The following ZNF397 variants were observed in gnomAD, a reference collection of about 807,000 sequenced individuals.
The protein encoded by ZNF397 is zinc finger and SCAN domain-containing protein 15.
In ZNF397, 38 loss-of-function variants were observed where a neutral mutation model predicts 50.6. The observed-to-expected ratio is 0.75, with a 90% CI of 0.58 to 0.98. The LOEUF (loss-of-function observed/expected upper bound fraction) is 0.98, where lower values mean the gene tolerates loss of function less well. Ranked by LOEUF, ZNF397 falls within the 50% of genes least tolerant of loss-of-function variation. The pLI is 0.00. For missense variants in ZNF397, 624 were observed against 624.1 expected (o/e 1.00, Z 0.00); for synonymous variants, 228 against 215.2 (o/e 1.06, Z -0.52).
chr18:35,250,704 C>CT (rs1487928859), downstream of ZNF397, among the ~76,000 whole-genome samples: 1 of 152,180 alleles, frequency 6.6e-6, no homozygotes, highest in African/African-American at 2.4e-5. Context: ...AAGCTTGGTC[C>CT]TTCTCAGCAA....
downstream of ZNF397, chr18:35,254,357 A>C (rs753515528): frequency 6.8e-6 from 11 of 1,613,786 alleles, no homozygotes; most frequent in African/African-American, 4.0e-5. Flanking sequence ...TGCCATCAAC[A>C]CTTTGCCAGC....
chr18:35,251,300 T>A (rs914298770), downstream of ZNF397: 5 of 152,138 alleles, frequency 3.3e-5, no homozygotes, highest in Admixed American at 2.6e-4. Context: ...TTACCAACAC[T>A]TACAATTCAC....
rs1331255084 is a variant in ZNF397, at chr18:35,246,605, T to C, written c.*295T>C. On this transcript the variant is annotated 3_prime_UTR_variant, in exon 4 of 4. Transcript: ENST00000330501. ...ATTGAAACCTCATTTTGTATGAAAGTGTCATGAATATAGCAACCCAGGCTC... is the reference window on the plus strand; with the variant it reads ...ATTGAAACCTCATTTTGTATGAAAGCGTCATGAATATAGCAACCCAGGCTC... The C allele has an allele frequency of 8.8e-7, 1 of 1,141,938 alleles. No individual in the cohort carries two copies. The highest frequency in any genetic ancestry group is 1.1e-6 in the Non-Finnish European group (1 of 929,218). 70.7% of individuals were successfully genotyped at this position (1,141,938 alleles called of 1,614,324 possible).
rs1301890520 is a variant in ZNF397 at position 35,242,622 on chromosome 18, A to G, written c.152A>G (p.Gln51Arg). Reference protein sequence around the residue: ...STQSCQELFRQQFRKFCYQET... With the variant: ...STQSCQELFRRQFRKFCYQET... Reference sequence around the variant, plus strand: ...CAATCCTGCCAAGAATTGTTTCGTCAGCAATTCAGAAAATTTTGCTACCAG... The same window carrying G: ...CAATCCTGCCAAGAATTGTTTCGTCGGCAATTCAGAAAATTTTGCTACCAG... The change falls in exon 2 of 4, where the codon CAG (glutamine) becomes CGG (arginine). Residue 51 changes from glutamine (Q) to arginine (R), a missense_variant. Physicochemically the swap from Gln to Arg is conservative, Grantham distance 43 (BLOSUM62 1). Coordinates refer to ENST00000330501, the MANE Select transcript of ZNF397 (RefSeq NM_001135178.3). The G allele has an allele frequency of 1.9e-6, 3 of 1,614,142 alleles. No individual in the cohort carries two copies. In the African/African-American group the frequency reaches 4.0e-5, roughly 22 times the overall value.
At chr18:35,241,743 G>T (rs1912517274) in intron 1 of ZNF397, 1 of 143,596 alleles carries the variant, frequency 7.0e-6, no homozygotes, top group African/African-American at 2.5e-5. Flanking sequence ...CTGTAGACTC[G>T]TTTATTCATA....
intron 1 of ZNF397, 68 bp downstream of exon 1, chr18:35,241,177 T>C (rs9304143): frequency 1 from 151,599 of 152,298 alleles, 75,455 homozygotes; most frequent in East Asian, 1. Context: ...GTGGAGGAGC[T>C]CCGCTCCTCG....
At chr18:35,252,829 A>G (rs1223803182), downstream of ZNF397, 1 of 152,788 alleles carries the variant, frequency 6.5e-6, no homozygotes, top group African/African-American at 2.4e-5. Context: ...CCTAGCACAT[A>G]GCAGGTGCTC....
chr18:35,247,698 G>T lies in ZNF397; in HGVS notation c.*1388G>T, dbSNP rs1200392767. 3.0e-5 allele frequency: 2 copies of T among 66,786 alleles called. No homozygotes were observed. 4.1% of individuals were successfully genotyped at this position (66,786 alleles called of 1,614,324 possible). A position where few individuals can be genotyped will look rare whatever the true frequency, so the allele number is the denominator to read the frequency against. On this transcript the variant is annotated 3_prime_UTR_variant, in exon 4 of 4. Transcript: ENST00000330501. ...TTTTTTTTTTTTTTTTTTTGAGATG[G>T]AGTTCGCTCTTGTCCAGGCTGGAGT...
At chr18:35,255,937 C>CAT (rs1472391914) in intron 5 of ZNF397, 1 of 152,602 alleles carries the variant, frequency 6.6e-6, no homozygotes, top group Non-Finnish European at 1.5e-5. Context: ...ACCCAACAAC[C>CAT]TAATGAGAAA....
At chr18:35,257,433 G>A in intron 5 of ZNF397, 1 of 156,366 alleles carries the variant, frequency 6.4e-6, no homozygotes, top group Non-Finnish European at 1.4e-5. Flanking sequence ...CCTTTGGAAG[G>A]TGACTAGGTC....
chr18:35,253,141 C>G, downstream of ZNF397: 1 of 223,760 alleles, frequency 4.5e-6, no homozygotes, highest in East Asian at 9.5e-5. Context: ...TGAAGGTGCC[C>G]AATGGAAATT....
rs35852269 is a variant in ZNF397, at chr18:35,243,175, A to G, written c.438A>G (p.Pro146=). 3,291 of 1,614,202 alleles carry G rather than the reference A, an allele frequency of 2.0e-3. 59 individuals carry two copies. The African/African-American group carries it at 0.037, about 18-fold the overall frequency. The change falls in exon 3 of 4, where the codon CCA becomes CCG. Residue 146 remains proline, a synonymous_variant. Coordinates refer to ENST00000330501, the MANE Select transcript of ZNF397 (RefSeq NM_001135178.3). ...AGGTCCCAGCTAGTCCACAGGGACC[A>G]GCAGTGCCATGGAAGGATTTAACAT... is the stretch of plus-strand genomic sequence containing the variant. The part of the protein sequence containing the change: ...GQQVPASPQG[P]AVPWKDLTCL...
At position 35,246,044 on chromosome 18, in the gene ZNF397, C is replaced by T; in HGVS notation, c.1339C>T (p.His447Tyr). The T allele has an allele frequency of 6.4e-7, 1 of 1,564,682 alleles. No homozygotes were observed. Among genetic ancestry groups the T allele is most frequent in the Non-Finnish European group, 8.7e-7 (1 of 1,154,580 alleles). Residue 447 changes from histidine to tyrosine, a missense_variant, in exon 4 of 4, where the codon CAT becomes TAT. Physicochemically the swap from His to Tyr is moderately conservative, Grantham distance 83 (BLOSUM62 2). Coordinates refer to ENST00000330501, the MANE Select transcript of ZNF397 (RefSeq NM_001135178.3). ...SSELITHQRI[H>Y]SGEKPYECSE... Reference sequence around the variant, plus strand: ...AGAGCTGATTACTCATCAGAGAATACATAGTGGAGAGAAACCCTATGAATG... The same window carrying T: ...AGAGCTGATTACTCATCAGAGAATATATAGTGGAGAGAAACCCTATGAATG...
intron 2 of ZNF397, 39 bp downstream of exon 2, chr18:35,242,923 C>T (rs1196432030): frequency 3.2e-6 from 5 of 1,560,518 alleles, no homozygotes; most frequent in Non-Finnish European, 3.5e-6. Flanking sequence ...AAGGAATTTA[C>T]AGCCTGGAGC....
chr18:35,251,573 AG>A (rs2043595931), downstream of ZNF397: 1 of 151,986 alleles, frequency 6.6e-6, no homozygotes, highest in South Asian at 2.1e-4. Flanking sequence ...GTGTTGAGGG[AG>A]GGTCGTGGTG....
chr18:35,244,585 G>A (rs1055242899), intron 3 of ZNF397, among the ~76,000 whole-genome samples: 2 of 152,132 alleles, frequency 1.3e-5, no homozygotes, highest in Non-Finnish European at 2.9e-5. Context: ...TAGAATCTAA[G>A]AAGGAACAGC....
In ZNF397 at chr18:35,249,774, ATATATT is replaced by A. The variant is rs1320688909; in HGVS notation, c.*3468_*3473del. 3 of 151,880 alleles carry A rather than the reference ATATATT, an allele frequency of 2.0e-5. No homozygotes were observed. The highest frequency in any genetic ancestry group is 4.4e-5 in the Non-Finnish European group (3 of 68,016). 9.4% of individuals were successfully genotyped at this position (151,880 alleles called of 1,614,324 possible). ...TGTACAGTATGATCCTATGTAAAAT[ATATATT>A]TATGTATTAAAAATACTGAAAACAT... is the stretch of plus-strand genomic sequence containing the variant. On this transcript the variant is annotated 3_prime_UTR_variant, in exon 4 of 4. Coordinates refer to ENST00000330501, the MANE Select transcript of ZNF397 (RefSeq NM_001135178.3).
chr18:35,245,476 C>T lies in ZNF397; in HGVS notation c.771C>T (p.Asp257=). 6.4e-7 allele frequency: 1 copy of T among 1,552,892 alleles called. No homozygotes were observed. Among genetic ancestry groups the T allele is most frequent in the Non-Finnish European group, 8.7e-7 (1 of 1,147,474 alleles). ...IFTNKSLGKR[D]LYDEAERCLI... ...CAAACAAATCTCTAGGAAAGAGAGA[C>T]CTTTATGATGAGGCTGAAAGATGCT... is the stretch of plus-strand genomic sequence containing the variant. Residue 257 remains aspartate (D), a synonymous_variant, in exon 4 of 4, where the codon GAC becomes GAT. Coordinates refer to ENST00000330501, the MANE Select transcript of ZNF397 (RefSeq NM_001135178.3).
chr18:35,245,219 A>G (rs1307817787), intron 3 of ZNF397, 43 bp from the exon 4 acceptor site: 2 of 1,514,322 alleles, frequency 1.3e-6, no homozygotes, highest in South Asian at 1.4e-5. Flanking sequence ...TGACGGTGAC[A>G]AGAGAAATGT....
Sources: gnomAD v4.1 joint callset for allele counts (sites outside exome capture counted in the v4.1 genomes callset) on GRCh38, gnomAD v4.1.1 for gene constraint, MANE v1.5 for transcripts, NCBI Gene and HGNC (gene_info 2026-07-23, HGNC 2026-07-21) for gene names.